Variants in FOXJ3 observed in about 807,000 individuals in gnomAD.
The protein encoded by FOXJ3 is forkhead box J3, also known as forkhead box protein J3.
FOXJ3 carries 22 observed loss-of-function variants against 76.1 expected under a neutral mutation model. That is an observed-to-expected ratio of 0.29 (90% CI 0.21 to 0.41). FOXJ3 has a LOEUF of 0.41. Among genes scored for constraint, FOXJ3 ranks in the 10% least tolerant of loss-of-function variants. The probability of loss-of-function intolerance (pLI) is 1.00; values close to 1 mark genes in which losing one functional copy is unlikely to be tolerated. For synonymous variants in FOXJ3, 269 were observed against 261.2 expected, an observed-to-expected ratio of 1.03 and a Z score of -0.29; for missense variants, 613 against 762.1, an observed-to-expected ratio of 0.80 and a Z score of 2.30.
At chr1:42,243,832 C>G (rs557352780) in intron 4 of FOXJ3, among the ~76,000 whole-genome samples, 1 of 152,180 alleles carries the variant, frequency 6.6e-6, no homozygotes, top group Non-Finnish European at 1.5e-5. Context: ...ACCTAAAAAA[C>G]GTCTACCGAA....
At chr1:42,334,072 G>C in intron 1 of FOXJ3, 2 of 729,042 alleles carry the variant, frequency 2.7e-6, no homozygotes, top group Non-Finnish European at 3.4e-6. Flanking sequence ...CACCAACACG[G>C]AATAGTAAAA....
chr1:42,273,674 C>CAAAAAAAA (rs35528514), intron 3 of FOXJ3, among the ~76,000 whole-genome samples: 4 of 86,324 alleles, frequency 4.6e-5, no homozygotes, highest in Non-Finnish European at 8.5e-5. Flanking sequence ...CACTCCATCT[C>CAAAAAAAA]AAAAAAAAAA....
At chr1:42,225,776 C>T (rs984395542) in intron 5 of FOXJ3, among the ~76,000 whole-genome samples, 6 of 152,124 alleles carry the variant, frequency 3.9e-5, no homozygotes, top group African/African-American at 1.4e-4. Context: ...AATGTACATT[C>T]AATAACACAT....
intron 4 of FOXJ3, among the ~76,000 whole-genome samples, chr1:42,243,616 G>C (rs149591456): frequency 1.3e-5 from 2 of 152,230 alleles, no homozygotes; most frequent in Admixed American, 1.3e-4. Flanking sequence ...GATAAGTAGA[G>C]ACAGTTGCAT....
At position 42,189,349 on chromosome 1, in the gene FOXJ3, A is replaced by T. The variant is rs1646497290; in HGVS notation, c.1407T>A (p.Ile469=). The T allele has an allele frequency of 2.5e-6, 4 of 1,613,706 alleles. No homozygotes were observed. Among genetic ancestry groups the T allele is most frequent in the Non-Finnish European group, 3.4e-6 (4 of 1,179,726 alleles). The change falls in exon 10 of 13, where the codon ATT becomes ATA. Residue 469 remains isoleucine, a synonymous_variant. Transcript: ENST00000361346. The stretch of plus-strand genomic sequence containing the variant: ...CATCTGACCAATTAACACTGCTGGC[A>T]ATTCGACAGCTTTCTTTTAGCATAT... ...TLDMLKESCR[I]ASSVNWSDVD...
In FOXJ3 at chr1:42,178,021, A is replaced by T. The variant is rs1251559027; in HGVS notation, c.*1689T>A. On this transcript the variant is annotated 3_prime_UTR_variant, in exon 13 of 13. Coordinates refer to ENST00000361346, the MANE Select transcript of FOXJ3 (RefSeq NM_014947.5). The stretch of plus-strand genomic sequence containing the variant: ...AGAATCAATTCAAAATCTATTCATT[A>T]AAAAAAAACCCTCATTTCTTCTAGT... 6.7e-6 allele frequency: 1 copy of T among 150,190 alleles called. No homozygotes were observed. The highest frequency in any genetic ancestry group is 1.5e-5 in the Non-Finnish European group (1 of 67,546). 9.3% of individuals were successfully genotyped at this position (150,190 alleles called of 1,614,324 possible).
intron 1 of FOXJ3, among the ~76,000 whole-genome samples, chr1:42,332,321 T>C (rs1311585819): frequency 6.6e-6 from 1 of 152,212 alleles, no homozygotes; most frequent in Non-Finnish European, 1.5e-5. Context: ...CATCTAACCG[T>C]TCATTGTATA....
chr1:42,224,389 T>G (rs1042936776), intron 5 of FOXJ3, among the ~76,000 whole-genome samples: 2 of 100,402 alleles, frequency 2.0e-5, no homozygotes, highest in African/African-American at 6.2e-5. Context: ...CACAGGCTTA[T>G]GCTCATGTAA....
Position 42,189,285 on chromosome 1 carries a change from A to G in FOXJ3, c.1453+18T>C. On this transcript the variant is annotated intron_variant, in intron 10 of 12. Coordinates refer to ENST00000361346, the MANE Select transcript of FOXJ3 (RefSeq NM_014947.5). ...ATCATGTGTATTTGGTTATATGTCA[A>G]AAAGAACCAACACTCACCTTGAAAC... is the stretch of plus-strand genomic sequence containing the variant. 2 of 1,535,906 alleles carry G rather than the reference A, an allele frequency of 1.3e-6. No individual in the cohort carries two copies. Among genetic ancestry groups the G allele is most frequent in the South Asian group, 1.1e-5 (1 of 89,088 alleles).
At chr1:42,291,079 T>TAGATAGATAGAC (rs1553167254) in intron 2 of FOXJ3, among the ~76,000 whole-genome samples, 34 of 125,656 alleles carry the variant, frequency 2.7e-4, no homozygotes, top group African/African-American at 9.4e-4. Context: ...GATAGATAGA[T>TAGATAGATAGAC]AGATAGACAG....
chr1:42,300,539 G>A (rs1322476321), intron 2 of FOXJ3, among the ~76,000 whole-genome samples: 1 of 152,160 alleles, frequency 6.6e-6, no homozygotes, highest in East Asian at 1.9e-4. Context: ...ATGTTGAGAG[G>A]CCAAGGCGGG....
In FOXJ3 at chr1:42,264,855, C is replaced by T. The variant is rs557547924; in HGVS notation, c.444+260G>A. The T allele has an allele frequency of 6.4e-4, 226 of 354,824 alleles. 1 individual carries two copies. Among genetic ancestry groups the T allele is most frequent in the African/African-American group, 4.1e-3 (191 of 46,284 alleles). 22.0% of individuals were successfully genotyped at this position (354,824 alleles called of 1,614,324 possible). ...TATGGTTCCTGACAAGCAGCTCAATCACCAAATTTAATTTAATACACAATA... is the reference window on the plus strand; with the variant it reads ...TATGGTTCCTGACAAGCAGCTCAATTACCAAATTTAATTTAATACACAATA... On this transcript the variant is annotated intron_variant, in intron 4 of 12. Transcript: ENST00000361346.
intron 4 of FOXJ3, among the ~76,000 whole-genome samples, chr1:42,252,409 G>A (rs1346411700): frequency 2.0e-5 from 3 of 152,188 alleles, no homozygotes; most frequent in South Asian, 2.1e-4. Flanking sequence ...GTTTATTTGC[G>A]TAGAGGTGTT....
chr1:42,323,427 T>G (rs1014997688), intron 1 of FOXJ3, among the ~76,000 whole-genome samples: 7 of 152,166 alleles, frequency 4.6e-5, no homozygotes, highest in Admixed American at 4.6e-4. Context: ...CGAACAGTTT[T>G]AATATCCTGG....
At chr1:42,184,822 T>C (rs903176213) in intron 11 of FOXJ3, among the ~76,000 whole-genome samples, 2 of 152,030 alleles carry the variant, frequency 1.3e-5, no homozygotes, top group Admixed American at 1.3e-4. Context: ...AAATGAGTCA[T>C]GTGTCTAACT....
intron 3 of FOXJ3, among the ~76,000 whole-genome samples, chr1:42,276,974 G>A (rs868145913): frequency 6.6e-6 from 1 of 152,060 alleles, no homozygotes; most frequent in African/African-American, 2.4e-5. Context: ...ACCTCTCAAC[G>A]CGCTGAGATT....
chr1:42,189,235 A>C (rs532729018), intron 10 of FOXJ3, 68 bp downstream of exon 10: 1 of 984,958 alleles, frequency 1.0e-6, no homozygotes, highest in East Asian at 2.4e-5. Flanking sequence ...CTACAAAGAA[A>C]GTTATAATCT....
intron 7 of FOXJ3, 97 bp downstream of exon 7, chr1:42,199,005 C>T: frequency 1.0e-6 from 1 of 969,902 alleles, no homozygotes; most frequent in Non-Finnish European, 1.6e-6. Flanking sequence ...GTGAGAAAAA[C>T]ATACCTTCAT....
intron 5 of FOXJ3, among the ~76,000 whole-genome samples, chr1:42,222,959 G>T (rs969137263): frequency 6.6e-6 from 1 of 152,146 alleles, no homozygotes; most frequent in Non-Finnish European, 1.5e-5. Flanking sequence ...TTCTCAGACA[G>T]TACTAGTAAG....
Sources: allele counts gnomAD v4.1 joint callset (sites outside exome capture counted in the v4.1 genomes callset), GRCh38; gene constraint gnomAD v4.1.1; transcripts MANE v1.5; gene names NCBI Gene and HGNC (gene_info 2026-07-23, HGNC 2026-07-21).